BRD10: variants seen among roughly 807,000 people sequenced by gnomAD.
The protein encoded by BRD10 is bromodomain containing 10, also known as uncharacterized bromodomain-containing protein 10.
chr9:5,961,209 G>C, the BRD10 span, among the ~76,000 whole-genome samples: 1 of 152,130 alleles, frequency 6.6e-6, no homozygotes, highest in South Asian at 2.1e-4. Flanking sequence ...AAATAACCTA[G>C]AAGTAAACGC....
the BRD10 span, among the ~76,000 whole-genome samples, chr9:5,950,069 CA>C: frequency 8.5e-5 from 13 of 152,234 alleles, no homozygotes; most frequent in African/African-American, 1.9e-4. Context: ...AACAATACAA[CA>C]GGGATAAACG....
chr9:5,971,961 T>C, the BRD10 span, among the ~76,000 whole-genome samples: 12 of 152,234 alleles, frequency 7.9e-5, no homozygotes, highest in East Asian at 3.8e-4. Flanking sequence ...CTGACTCATA[T>C]GGATTTATTG....
At chr9:5,890,121 T>C in the BRD10 span, among the ~76,000 whole-genome samples, 1 of 152,194 alleles carries the variant, frequency 6.6e-6, no homozygotes, top group African/African-American at 2.4e-5. Flanking sequence ...AGGGAGGGAA[T>C]AGGGAACCCA....
chr9:6,002,976 C>T, the BRD10 span, among the ~76,000 whole-genome samples: 2 of 152,214 alleles, frequency 1.3e-5, no homozygotes, highest in African/African-American at 4.8e-5. Context: ...TGAGCTGCCA[C>T]ACTTGGCAAA....
the BRD10 span, among the ~76,000 whole-genome samples, chr9:5,967,721 C>T: frequency 7.2e-6 from 1 of 138,466 alleles, no homozygotes; most frequent in Non-Finnish European, 1.6e-5. Flanking sequence ...ACACACATTT[C>T]ATAAGCGATG....
chr9:5,940,856 C>T, the BRD10 span, among the ~76,000 whole-genome samples: 1 of 152,032 alleles, frequency 6.6e-6, no homozygotes, highest in African/African-American at 2.4e-5. Context: ...AGGGGCTTAT[C>T]TGATAAAAGA....
chr9:5,920,575 T>A, the BRD10 span: 12 of 1,613,962 alleles, frequency 7.4e-6, no homozygotes, highest in Non-Finnish European at 1.0e-5. Flanking sequence ...ACAATTCAGT[T>A]TGAGGTTTAT....
the BRD10 span, chr9:5,968,295 C>G: frequency 1.2e-6 from 2 of 1,611,704 alleles, no homozygotes; most frequent in Non-Finnish European, 1.7e-6. Context: ...CTGTGACTTC[C>G]ATTTACATGT....
chr9:5,948,199 C>G, the BRD10 span, among the ~76,000 whole-genome samples: 1 of 152,086 alleles, frequency 6.6e-6, no homozygotes. Context: ...GCTAAAGAGA[C>G]CTATCTCCAA....
the BRD10 span, among the ~76,000 whole-genome samples, chr9:5,906,279 G>T: frequency 0.056 from 8,380 of 149,528 alleles, 256 homozygotes; most frequent in Middle Eastern, 0.075. Flanking sequence ...GCAGTGAGCC[G>T]AGATCGTGCC....
chr9:5,993,367 T>C, the BRD10 span, among the ~76,000 whole-genome samples: 2 of 150,888 alleles, frequency 1.3e-5, no homozygotes, highest in South Asian at 4.2e-4. Flanking sequence ...ATCACTTAGT[T>C]CACCTATCCA....
At chr9:5,930,063 G>C in the BRD10 span, among the ~76,000 whole-genome samples, 4 of 150,910 alleles carry the variant, frequency 2.7e-5, no homozygotes, top group Non-Finnish European at 5.9e-5. Context: ...ATTTATAGCT[G>C]CTAAGCCACA....
At chr9:6,008,139 C>T in the BRD10 span, 14 of 983,610 alleles carry the variant, frequency 1.4e-5, no homozygotes, top group South Asian at 6.1e-4. Flanking sequence ...GCCGCGGCCT[C>T]GGCGCCCCAC....
At chr9:5,958,875 T>G in the BRD10 span, among the ~76,000 whole-genome samples, 3 of 152,220 alleles carry the variant, frequency 2.0e-5, no homozygotes, top group Non-Finnish European at 4.4e-5. Flanking sequence ...AACTAGAGCC[T>G]AAACTTGTCT....
chr9:5,995,937 C>T, the BRD10 span, among the ~76,000 whole-genome samples: 3 of 151,982 alleles, frequency 2.0e-5, no homozygotes, highest in Non-Finnish European at 4.4e-5. Context: ...ATGATAACAC[C>T]ACTGACAAAA....
At chr9:5,921,919 A>G in the BRD10 span, 1 of 1,614,010 alleles carries the variant, frequency 6.2e-7, no homozygotes, top group East Asian at 2.2e-5. Context: ...GGGCAAAGCT[A>G]GCTGGAATGG....
At chr9:5,894,354 G>A in the BRD10 span, among the ~76,000 whole-genome samples, 1 of 152,094 alleles carries the variant, frequency 6.6e-6, no homozygotes, top group East Asian at 1.9e-4. This position sits in a 1 kb window ranked among gnomAD's most constrained non-coding sequence, Gnocchi z 4.0. Context: ...AACAGGCATG[G>A]GACTGAGACT....
chr9:6,005,138 G>T, the BRD10 span, among the ~76,000 whole-genome samples: 1 of 152,180 alleles, frequency 6.6e-6, no homozygotes, highest in Non-Finnish European at 1.5e-5. Context: ...GAGCATTAAC[G>T]ACTGAGAATG....
the BRD10 span, among the ~76,000 whole-genome samples, chr9:5,989,983 C>A: frequency 6.6e-6 from 1 of 152,238 alleles, no homozygotes; most frequent in African/African-American, 2.4e-5. Context: ...GTGTAGGATT[C>A]TACCAAACTG....
Sources: gnomAD v4.1 joint callset for allele counts (sites outside exome capture counted in the v4.1 genomes callset) on GRCh38, gnomAD v4.1.1 for gene constraint, Gnocchi (gnomAD v3.1) non-coding constraint, MANE v1.5 for transcripts, NCBI Gene and HGNC (gene_info 2026-07-23, HGNC 2026-07-21) for gene names.